Variants in CIB1 observed in about 807,000 individuals in gnomAD.
CIB1 encodes calcium and integrin binding 1.
Under a neutral mutation model 25.0 loss-of-function variants are expected in CIB1, and 19 were observed. That is an observed-to-expected ratio of 0.76 (90% CI 0.53 to 1.12). The LOEUF is 1.12. CIB1 is among the 50% of genes most tolerant of loss of function. The pLI, the probability that CIB1 is intolerant of heterozygous loss-of-function variation, is 0.00. For synonymous variants in CIB1, 104 were observed against 98.5 expected, an observed-to-expected ratio of 1.06 and a Z score of -0.33; for missense variants, 236 against 242.6, an observed-to-expected ratio of 0.97 and a Z score of 0.18.
intron 5 of CIB1, 24 bp from the exon 6 acceptor site, chr15:90,231,046 C>T (rs775259021): frequency 8.1e-6 from 13 of 1,613,044 alleles, no homozygotes; most frequent in Non-Finnish European, 1.1e-5. Flanking sequence ...AGTTTCAGGC[C>T]AGAGCCCCAA....
chr15:90,231,051 C>T lies in CIB1; in HGVS notation c.466-29G>A. On this transcript the variant is annotated intron_variant, in intron 5 of 6. Coordinates refer to ENST00000328649, the MANE Select transcript of CIB1 (RefSeq NM_006384.4). ...GGAAAGGGAGAGTTTCAGGCCAGAGCCCCAACTGCTCCCTCCCGCTCCCAG... is the reference window on the plus strand; with the variant it reads ...GGAAAGGGAGAGTTTCAGGCCAGAGTCCCAACTGCTCCCTCCCGCTCCCAG... 5 of 1,613,046 alleles carry T rather than the reference C, an allele frequency of 3.1e-6. No individual in the cohort carries two copies. In the South Asian group the frequency reaches 3.3e-5, roughly 11 times the overall value.
chr15:90,234,146 AC>A (rs979452520), upstream of CIB1: 28 of 221,164 alleles, frequency 1.3e-4, no homozygotes, highest in African/African-American at 5.6e-5. Flanking sequence ...CCCGGGACTC[AC>A]GGCCCCGCCT....
the CIB1 span, chr15:90,255,890 G>C: frequency 6.2e-7 from 1 of 1,614,216 alleles, no homozygotes; most frequent in Middle Eastern, 1.6e-4. Flanking sequence ...CGCAGAGTGA[G>C]TGGGTCTGGC....
the CIB1 span, chr15:90,241,454 G>T: frequency 2.5e-6 from 4 of 1,613,554 alleles, no homozygotes; most frequent in Non-Finnish European, 2.5e-6. Context: ...AGCGCCTGCT[G>T]CCGGGTGCAC....
the CIB1 span, chr15:90,242,057 A>G: frequency 2.2e-4 from 349 of 1,603,590 alleles, no homozygotes; most frequent in Middle Eastern, 8.7e-3. Flanking sequence ...TGTCCCAGGA[A>G]GAGCAATAAT....
the CIB1 span, chr15:90,257,511 C>T: frequency 9.8e-7 from 1 of 1,019,884 alleles, no homozygotes; most frequent in Non-Finnish European, 1.4e-6. Flanking sequence ...GAATAGCAGT[C>T]CTCTGGTGGA....
chr15:90,258,053 C>A, the CIB1 span: 2 of 1,614,144 alleles, frequency 1.2e-6, no homozygotes, highest in South Asian at 1.1e-5. Flanking sequence ...TGTCGACACT[C>A]AACATCTGGC....
At chr15:90,258,897 T>C in the CIB1 span, 2 of 1,614,166 alleles carry the variant, frequency 1.2e-6, no homozygotes, top group South Asian at 1.1e-5. Context: ...GAACGGCTTT[T>C]CCAGTGCTAC....
At chr15:90,262,323 T>G in the CIB1 span, 8 of 1,161,008 alleles carry the variant, frequency 6.9e-6, no homozygotes, top group Non-Finnish European at 9.4e-6. Flanking sequence ...ATCAGACTCT[T>G]AGTGACTCTT....
At chr15:90,250,561 G>C in the CIB1 span, 1 of 1,529,870 alleles carries the variant, frequency 6.5e-7, no homozygotes, top group Admixed American at 2.1e-5. Flanking sequence ...AGGCCTTCTA[G>C]GGCCTGAGGG....
upstream of CIB1, among the ~76,000 whole-genome samples, chr15:90,235,872 A>G (rs1339858895): frequency 6.6e-6 from 1 of 151,722 alleles, no homozygotes; most frequent in Non-Finnish European, 1.5e-5. Context: ...CCGGCCGATC[A>G]TTTTTCTCTT....
chr15:90,248,424 C>T, the CIB1 span, among the ~76,000 whole-genome samples: 1 of 152,170 alleles, frequency 6.6e-6, no homozygotes, highest in Non-Finnish European at 1.5e-5. Flanking sequence ...AATGTCCATG[C>T]CTTTTTTAGG....
chr15:90,240,838 A>G, the CIB1 span: 6 of 1,035,008 alleles, frequency 5.8e-6, no homozygotes, highest in African/African-American at 1.6e-5. Flanking sequence ...ATAAATAAAT[A>G]CAATGACAAT....
upstream of CIB1, among the ~76,000 whole-genome samples, chr15:90,235,561 C>A (rs995209817): frequency 6.6e-6 from 1 of 151,990 alleles, no homozygotes; most frequent in Non-Finnish European, 1.5e-5. Context: ...CCCATCCCAA[C>A]CTGATCATTT....
At chr15:90,261,321 C>T in the CIB1 span, among the ~76,000 whole-genome samples, 1 of 151,104 alleles carries the variant, frequency 6.6e-6, no homozygotes, top group African/African-American at 2.4e-5. Flanking sequence ...TCAAGTGATC[C>T]ACCCGCCTTG....
the CIB1 span, among the ~76,000 whole-genome samples, chr15:90,240,473 C>T: frequency 2.7e-5 from 4 of 150,836 alleles, no homozygotes; most frequent in East Asian, 5.9e-4. Flanking sequence ...GCGCCACTGC[C>T]CTCTAGCCTG....
intron 2 of CIB1, 69 bp downstream of exon 2, chr15:90,233,600 G>T: frequency 2.0e-6 from 3 of 1,537,240 alleles, no homozygotes; most frequent in Non-Finnish European, 2.6e-6. Context: ...CCCCTCCCTC[G>T]GGACAGCGCC....
the CIB1 span, chr15:90,262,520 C>A: frequency 6.6e-7 from 1 of 1,517,632 alleles, no homozygotes. Flanking sequence ...CCGCCTTAAG[C>A]AGGAACAGCA....
chr15:90,240,707 G>C, the CIB1 span, among the ~76,000 whole-genome samples: 10 of 152,004 alleles, frequency 6.6e-5, no homozygotes, highest in African/African-American at 2.4e-4. Context: ...CAGCTGCCCA[G>C]GAGGCTGAGG....
Sources: gnomAD v4.1 joint callset for allele counts (sites outside exome capture counted in the v4.1 genomes callset) on GRCh38, gnomAD v4.1.1 for gene constraint, MANE v1.5 for transcripts, NCBI Gene and HGNC (gene_info 2026-07-23, HGNC 2026-07-21) for gene names.